The following PGPEP1L variants were observed in gnomAD, a reference collection of about 807,000 sequenced individuals.
PGPEP1L encodes pyroglutamyl-peptidase I like.
PGPEP1L carries 7 observed loss-of-function variants against 6.0 expected under a neutral mutation model. The ratio of observed to expected loss-of-function variants is 1.17; its 90% CI spans 0.66 to 2.19. The LOEUF is 2.19. PGPEP1L is among the 30% of genes most tolerant of loss of function. The pLI is 0.00. For synonymous variants in PGPEP1L, 103 were observed against 83.9 expected (o/e 1.23, Z -1.24); for missense variants, 209 against 192.5 (o/e 1.09, Z -0.51).
At chr15:99,002,497 C>T (rs1322403976) in intron 2 of PGPEP1L, among the ~76,000 whole-genome samples, 3 of 152,036 alleles carry the variant, frequency 2.0e-5, no homozygotes, top group South Asian at 2.1e-4. Flanking sequence ...CACACACACA[C>T]GCACACATAC....
At chr15:98,968,778 C>T (rs945446937) in intron 4 of PGPEP1L, 81 bp from the exon 5 acceptor site, 11 of 1,319,150 alleles carry the variant, frequency 8.3e-6, no homozygotes, top group Admixed American at 2.0e-5. Context: ...GGCAATGCAA[C>T]ACCCACAAAG....
intron 2 of PGPEP1L, among the ~76,000 whole-genome samples, chr15:99,002,822 C>T (rs1567244881): frequency 7.4e-6 from 1 of 135,486 alleles, no homozygotes; most frequent in Non-Finnish European, 1.6e-5. Context: ...ACCTCTGATT[C>T]CTGTGACATT....
Position 98,971,075 on chromosome 15 carries a change from C to T in PGPEP1L, c.-58G>A, listed in dbSNP as rs753506988. On this transcript the variant is annotated 5_prime_UTR_variant, in exon 3 of 5. Coordinates refer to ENST00000535714, the MANE Select transcript of PGPEP1L (RefSeq NM_001167902.2). ...CTTCCCAGATTCCGGTGACCCTCCGCTTAGCCTCCCTGTAATCTACAGGCA... is the reference window on the plus strand; with the variant it reads ...CTTCCCAGATTCCGGTGACCCTCCGTTTAGCCTCCCTGTAATCTACAGGCA... The T allele has an allele frequency of 6.2e-7, 1 of 1,613,836 alleles. No individual in the cohort carries two copies.
At chr15:98,976,549 G>A (rs892899049) in intron 2 of PGPEP1L, among the ~76,000 whole-genome samples, 1 of 152,222 alleles carries the variant, frequency 6.6e-6, no homozygotes, top group African/African-American at 2.4e-5. Context: ...GACTTGAGGT[G>A]TCCTGAAGAG....
At chr15:98,989,548 A>G (rs2654969) in intron 2 of PGPEP1L, among the ~76,000 whole-genome samples, 99,171 of 152,070 alleles carry the variant, frequency 0.65, 33,907 homozygotes, top group Non-Finnish European at 0.77. Flanking sequence ...CCAAGTTGGA[A>G]AACACTATTC....
At chr15:98,971,949 C>T (rs1392818065) in intron 2 of PGPEP1L, among the ~76,000 whole-genome samples, 1 of 152,194 alleles carries the variant, frequency 6.6e-6, no homozygotes, top group Non-Finnish European at 1.5e-5. Flanking sequence ...CTTTTCTTTG[C>T]AATCCATGTT....
chr15:98,971,379 A>G (rs2017494801), intron 2 of PGPEP1L, among the ~76,000 whole-genome samples: 1 of 152,178 alleles, frequency 6.6e-6, no homozygotes, highest in African/African-American at 2.4e-5. Context: ...CTGTAATCCC[A>G]GCTACTTGGG....
rs1321567057 is a variant in PGPEP1L, at chr15:98,969,527, G to C, written c.107C>G (p.Pro36Arg). 1 of 1,614,056 alleles carries C rather than the reference G, an allele frequency of 6.2e-7. No individual in the cohort carries two copies. The highest frequency in any genetic ancestry group is 8.5e-7 in the Non-Finnish European group (1 of 1,179,906). ...SFWPEGGVCL[P>R]GSPDVLESGV... is the part of the protein sequence containing the mutation. ...TGACTCCAGCACGTCTGGGCTGCCA[G>C]GTAGGCACACGCCGCCCTCGGGCCA... Residue 36 changes from proline (P) to arginine (R), a missense_variant, in exon 4 of 5, where the codon CCT (proline) becomes CGT (arginine). Transcript: ENST00000535714.
At chr15:98,981,324 C>T (rs1450090605) in intron 2 of PGPEP1L, among the ~76,000 whole-genome samples, 1 of 151,918 alleles carries the variant, frequency 6.6e-6, no homozygotes, top group Non-Finnish European at 1.5e-5. Context: ...AACCCCGTCT[C>T]CACTAAAAAT....
chr15:98,981,586 G>A (rs555113385), intron 2 of PGPEP1L, among the ~76,000 whole-genome samples: 17 of 152,008 alleles, frequency 1.1e-4, no homozygotes, highest in African/African-American at 4.1e-4. Context: ...ACGGAGACTC[G>A]AGGACTTATG....
In PGPEP1L at chr15:98,969,444, A is replaced by C. The variant is rs1235682025; in HGVS notation, c.190T>G (p.Phe64Val). 6.2e-7 allele frequency: 1 copy of C among 1,614,054 alleles called. No homozygotes were observed. The highest frequency in any genetic ancestry group is 8.5e-7 in the Non-Finnish European group (1 of 1,179,904). ...GCATACCTGCCTGCATCTCGGGAAA[A>C]GATCACGTCGACACCCTCCACAGCT... is the stretch of plus-strand genomic sequence containing the variant. ...RVAVEGVDVI[F>V]SRDAGRYVCD... Residue 64 changes from phenylalanine (F) to valine (V), a missense_variant, in exon 4 of 5, where the codon TTT becomes GTT. Phe to Val is a conservative substitution (Grantham distance 50). Transcript: ENST00000535714.
At chr15:98,992,310 C>A (rs1555472159) in intron 2 of PGPEP1L, among the ~76,000 whole-genome samples, 1 of 152,090 alleles carries the variant, frequency 6.6e-6, no homozygotes, top group African/African-American at 2.4e-5. Flanking sequence ...CAATAACAGA[C>A]AAACAGAGAG....
At chr15:98,994,087 G>A (rs1236844164) in intron 2 of PGPEP1L, among the ~76,000 whole-genome samples, 2 of 151,960 alleles carry the variant, frequency 1.3e-5, no homozygotes, top group Non-Finnish European at 2.9e-5. Context: ...CCAACATGGT[G>A]AAACCCCGTC....
chr15:99,001,059 G>T (rs2017960617), intron 2 of PGPEP1L: 26 of 339,362 alleles, frequency 7.7e-5, no homozygotes, highest in South Asian at 5.3e-4. Flanking sequence ...TCACTCCAAA[G>T]GTCCGCAGCT....
intron 2 of PGPEP1L, among the ~76,000 whole-genome samples, chr15:98,980,972 G>A (rs1041383788): frequency 3.9e-5 from 6 of 151,980 alleles, no homozygotes; most frequent in Non-Finnish European, 7.4e-5. Flanking sequence ...TGGTAGAGAG[G>A]CCTGACAAAC....
chr15:98,969,115 C>A (rs747780134), intron 4 of PGPEP1L, among the ~76,000 whole-genome samples: 3 of 152,238 alleles, frequency 2.0e-5, no homozygotes, highest in Admixed American at 6.5e-5. Flanking sequence ...ACTTCGGTCA[C>A]CCCAAAAATC....
At chr15:99,000,030 C>G (rs561920913) in intron 2 of PGPEP1L, among the ~76,000 whole-genome samples, 7 of 152,356 alleles carry the variant, frequency 4.6e-5, no homozygotes, top group African/African-American at 1.7e-4. Flanking sequence ...GCTCTCTCAG[C>G]TTGCAGGGAG....
intron 2 of PGPEP1L, among the ~76,000 whole-genome samples, chr15:98,971,842 G>T (rs2017501575): frequency 6.6e-6 from 1 of 152,180 alleles, no homozygotes; most frequent in Admixed American, 6.5e-5. Flanking sequence ...TACTACAGTT[G>T]GTTGAGAGAT....
intron 2 of PGPEP1L, among the ~76,000 whole-genome samples, chr15:99,005,091 G>A (rs1351338113): frequency 3.3e-5 from 5 of 152,046 alleles, no homozygotes; most frequent in Admixed American, 1.3e-4. Context: ...CACGTGCCTC[G>A]GGCCCCACTC....
Sources: gnomAD v4.1 joint callset for allele counts (sites outside exome capture counted in the v4.1 genomes callset) on GRCh38, gnomAD v4.1.1 for gene constraint, MANE v1.5 for transcripts, NCBI Gene and HGNC (gene_info 2026-07-23, HGNC 2026-07-21) for gene names.